ELAVL1: variants seen among roughly 807,000 people sequenced by gnomAD.
The protein encoded by ELAVL1 is ELAV like RNA binding protein 1.
ELAVL1 carries 1 observed loss-of-function variant against 28.4 expected under a neutral mutation model. The ratio of observed to expected loss-of-function variants is 0.04; its 90% CI spans 0.01 to 0.17. ELAVL1 has a LOEUF of 0.17. Ranked by LOEUF, ELAVL1 falls within the 10% of genes least tolerant of loss-of-function variation. ELAVL1 has a pLI of 1.00. For synonymous variants in ELAVL1, 174 were observed against 183.5 expected (o/e 0.95, Z 0.42); for missense variants, 157 against 447.2 (o/e 0.35, Z 5.85).
At chr19:7,978,571 T>C (rs963224620) in intron 3 of ELAVL1, among the ~76,000 whole-genome samples, 1 of 152,188 alleles carries the variant, frequency 6.6e-6, no homozygotes, top group Non-Finnish European at 1.5e-5. Context: ...GTGAGCTCTG[T>C]GCTTGGGACC....
chr19:7,984,451 T>A (rs1348708946), intron 2 of ELAVL1, among the ~76,000 whole-genome samples: 1 of 152,174 alleles, frequency 6.6e-6, no homozygotes, highest in Non-Finnish European at 1.5e-5. Flanking sequence ...AATGCCAGTG[T>A]ATTCCCAGAA....
chr19:7,991,521 G>T, intron 2 of ELAVL1, 123 bp downstream of exon 2: 2 of 963,690 alleles, frequency 2.1e-6, no homozygotes, highest in Non-Finnish European at 3.0e-6. Flanking sequence ...AAACTTCACA[G>T]CCATCGTTTC....
chr19:7,998,605 G>A (rs2081057091), intron 1 of ELAVL1, among the ~76,000 whole-genome samples: 1 of 152,074 alleles, frequency 6.6e-6, no homozygotes, highest in South Asian at 2.1e-4. Flanking sequence ...CCTCTGCAGG[G>A]CACTAGTGTC....
Position 7,967,666 on chromosome 19 carries a change from G to A in ELAVL1, c.555C>T (p.Ala185=), listed in dbSNP as rs772518127. 9.3e-6 allele frequency: 15 copies of A among 1,614,116 alleles called. No homozygotes were observed. Among genetic ancestry groups the A allele is most frequent in the Non-Finnish European group, 1.3e-5 (15 of 1,180,048 alleles). Residue 185 remains alanine, a synonymous_variant, in exon 5 of 6, where the codon GCC becomes GCT. Transcript: ENST00000407627. ...SSEPITVKFA[A]NPNQNKNVAL... is the part of the protein sequence containing the mutation. The stretch of plus-strand genomic sequence containing the variant: ...CCACGTTTTTGTTCTGGTTGGGGTT[G>A]GCTGCAAACTTCACTGTGATGGGCT...
chr19:7,975,917 G>A (rs1240981550), intron 3 of ELAVL1, among the ~76,000 whole-genome samples: 2 of 151,962 alleles, frequency 1.3e-5, no homozygotes, highest in African/African-American at 4.8e-5. Context: ...TGGGCAACAT[G>A]GCAAGACCCC....
In ELAVL1 at chr19:7,977,136, T is replaced by C. The variant is rs112217237; in HGVS notation, c.277-3258A>G. Among the ~76,000 whole-genome samples, 281 of 152,324 alleles carry C rather than the reference T, an allele frequency of 1.8e-3. 1 individual carries two copies. Among genetic ancestry groups the C allele is most frequent in the African/African-American group, 6.5e-3 (269 of 41,578 alleles). On this transcript the variant is annotated intron_variant, in intron 3 of 5. Transcript: ENST00000407627. ...GCTGCTGCGTGAGTGGAGTGCGCAG[T>C]AGCCACTGCTGTGAAGAACGCCTGC...
At chr19:7,978,494 C>T (rs890274494) in intron 3 of ELAVL1, among the ~76,000 whole-genome samples, 2 of 152,202 alleles carry the variant, frequency 1.3e-5, no homozygotes, top group African/African-American at 4.8e-5. Context: ...CTCCACGGAG[C>T]CTCCTGGCAG....
In ELAVL1 at chr19:7,970,672, T is replaced by C. The variant is rs190223926; in HGVS notation, c.431-2882A>G. 1.5e-3 allele frequency among the ~76,000 whole-genome samples: 225 copies of C among 152,270 alleles called. 1 individual carries two copies. Among genetic ancestry groups the C allele is most frequent in the African/African-American group, 5.3e-3 (219 of 41,554 alleles). ...ATAAAGTTCACAATTAAGGTGGATA[T>C]AGAAGCGAAGGAATACAAAAAATTA... On this transcript the variant is annotated intron_variant, in intron 4 of 5. Coordinates refer to ENST00000407627, the MANE Select transcript of ELAVL1 (RefSeq NM_001419.3).
At chr19:7,990,620 C>T (rs1175286907) in intron 2 of ELAVL1, among the ~76,000 whole-genome samples, 1 of 152,124 alleles carries the variant, frequency 6.6e-6, no homozygotes, top group Non-Finnish European at 1.5e-5. Flanking sequence ...CCCACCTCGA[C>T]CTCCCAAAGT....
intron 2 of ELAVL1, among the ~76,000 whole-genome samples, chr19:7,990,556 T>C (rs1985724824): frequency 6.7e-6 from 1 of 149,894 alleles, no homozygotes; most frequent in Non-Finnish European, 1.5e-5. Flanking sequence ...TTCGTAAAGA[T>C]GGGGTTTCAC....
At chr19:7,976,976 C>T (rs991242606) in intron 3 of ELAVL1, among the ~76,000 whole-genome samples, 3 of 152,070 alleles carry the variant, frequency 2.0e-5, no homozygotes, top group Admixed American at 6.6e-5. Context: ...GCATGCACCA[C>T]CCTGCCTGGC....
In ELAVL1 at chr19:7,963,834, CCA is replaced by C. The variant is rs1408565235; in HGVS notation, c.657-29_657-28del. 1 of 1,605,142 alleles carries C rather than the reference CCA, an allele frequency of 6.2e-7. No individual in the cohort carries two copies. Among genetic ancestry groups the C allele is most frequent in the Non-Finnish European group, 8.5e-7 (1 of 1,174,744 alleles). ...TGGCAGACAGAGAGCAAGCGTCAGGCCACGGTCAGCGCAGGCGGCCTGGGGAT... is the reference window on the plus strand; with the variant it reads ...TGGCAGACAGAGAGCAAGCGTCAGGCCGGTCAGCGCAGGCGGCCTGGGGAT... On this transcript the variant is annotated intron_variant, in intron 5 of 5. Transcript: ENST00000407627. This position sits in a 1 kb window ranked among gnomAD's most constrained non-coding sequence, Gnocchi z 4.5.
chr19:7,963,984 T>C lies in ELAVL1; in HGVS notation c.657-177A>G, dbSNP rs1984881592. On this transcript the variant is annotated intron_variant, in intron 5 of 5. Coordinates refer to ENST00000407627, the MANE Select transcript of ELAVL1 (RefSeq NM_001419.3). This position sits in a 1 kb window ranked among gnomAD's most constrained non-coding sequence, Gnocchi z 4.5. ...AAACCCTGGGAGGAATTAAATACAG[T>C]AGTGGAGGGGCGGGACCCTGTTCTG... Among the ~76,000 whole-genome samples the C allele has an allele frequency of 6.6e-6, 1 of 152,174 alleles. No individual in the cohort carries two copies. The highest frequency in any genetic ancestry group is 1.5e-5 in the Non-Finnish European group (1 of 68,014).
At chr19:8,004,632 T>A (rs1156884627) in intron 1 of ELAVL1, among the ~76,000 whole-genome samples, 1 of 152,174 alleles carries the variant, frequency 6.6e-6, no homozygotes, top group Non-Finnish European at 1.5e-5. Context: ...CGAGAAACCC[T>A]GCTCTAGACA....
Position 7,962,375 on chromosome 19 carries a change from A to T in ELAVL1, c.*1108T>A, listed in dbSNP as rs1984834599. 1 of 152,932 alleles carries T rather than the reference A, an allele frequency of 6.5e-6. No homozygotes were observed. The allele number at this position is 152,932 out of a possible 1,614,324, so 9.5% of individuals were successfully genotyped here. On this transcript the variant is annotated 3_prime_UTR_variant, in exon 6 of 6. Coordinates refer to ENST00000407627, the MANE Select transcript of ELAVL1 (RefSeq NM_001419.3). ...AAAATTAACAGAACAGAACAACCCAAAATGTCAAGGCAGTTATGAAGAGAA... is the reference window on the plus strand; with the variant it reads ...AAAATTAACAGAACAGAACAACCCATAATGTCAAGGCAGTTATGAAGAGAA...
chr19:7,981,000 G>A, intron 3 of ELAVL1, 83 bp downstream of exon 3: 20 of 1,367,162 alleles, frequency 1.5e-5, no homozygotes, highest in Non-Finnish European at 2.0e-5. Flanking sequence ...GTCCCTTGGA[G>A]AGTGACTGTG....
chr19:7,987,497 C>T (rs1375533609), intron 2 of ELAVL1, among the ~76,000 whole-genome samples: 1 of 152,162 alleles, frequency 6.6e-6, no homozygotes, highest in Non-Finnish European at 1.5e-5. Context: ...ACGCCATATC[C>T]CCAACATAGG....
intron 2 of ELAVL1, among the ~76,000 whole-genome samples, chr19:7,990,952 TC>T (rs1343117023): frequency 6.6e-6 from 1 of 152,144 alleles, no homozygotes; most frequent in Non-Finnish European, 1.5e-5. Context: ...TGCCAGGACC[TC>T]TGCAAACACC....
At chr19:7,994,691 C>T (rs904316340) in intron 1 of ELAVL1, among the ~76,000 whole-genome samples, 1 of 152,190 alleles carries the variant, frequency 6.6e-6, no homozygotes, top group African/African-American at 2.4e-5. Context: ...ATGGTAGAAC[C>T]TTCTGACTCA....
Sources: allele counts gnomAD v4.1 joint callset (sites outside exome capture counted in the v4.1 genomes callset), GRCh38; gene constraint gnomAD v4.1.1; non-coding constraint Gnocchi (gnomAD v3.1); transcripts MANE v1.5; gene names NCBI Gene and HGNC (gene_info 2026-07-23, HGNC 2026-07-21).